CADM2: variants seen among roughly 807,000 people sequenced by gnomAD.
CADM2 encodes the protein immunoglobulin superfamily member 4D.
A neutral mutation model predicts 49.8 loss-of-function variants in CADM2; 12 were observed. The observed-to-expected ratio is 0.24, with a 90% CI of 0.15 to 0.39. The LOEUF (loss-of-function observed/expected upper bound fraction) is 0.39, where lower values mean the gene tolerates loss of function less well. CADM2 is among the 10% of genes least tolerant of loss of function. The probability of loss-of-function intolerance (pLI) is 1.00; values close to 1 mark genes in which losing one functional copy is unlikely to be tolerated. For synonymous variants in CADM2, 214 were observed against 175.4 expected (o/e 1.22, Z -1.74); for missense variants, 378 against 492.3 (o/e 0.77, Z 2.20).
intron 1 of CADM2, among the ~76,000 whole-genome samples, chr3:85,144,481 A>T (rs1040019456): frequency 2.0e-4 from 30 of 151,940 alleles, no homozygotes; most frequent in African/African-American, 7.0e-4. Context: ...TCTTGGTGGC[A>T]TATGCCTGTA....
intron 1 of CADM2, among the ~76,000 whole-genome samples, chr3:84,991,096 G>A (rs1271765299): frequency 6.6e-6 from 1 of 152,042 alleles, no homozygotes; most frequent in Non-Finnish European, 1.5e-5. Context: ...CCAGGTTTGT[G>A]TACTTTATTT....
At chr3:85,833,545 C>T (rs1281951964) in intron 3 of CADM2, among the ~76,000 whole-genome samples, 1 of 151,452 alleles carries the variant, frequency 6.6e-6, no homozygotes, top group Non-Finnish European at 1.5e-5. Context: ...TTTATTTCTT[C>T]CTGACTCAGT....
At chr3:85,033,186 A>G (rs1390764762) in intron 1 of CADM2, among the ~76,000 whole-genome samples, 1 of 152,208 alleles carries the variant, frequency 6.6e-6, no homozygotes, top group Non-Finnish European at 1.5e-5. Flanking sequence ...CAAAAATATG[A>G]AATTAACTAG....
intron 2 of CADM2, among the ~76,000 whole-genome samples, chr3:85,763,208 C>A (rs1434144366): frequency 1.3e-5 from 2 of 152,232 alleles, no homozygotes; most frequent in East Asian, 3.9e-4. Flanking sequence ...GAAGCAGGAG[C>A]CTCTGTTCTA....
At chr3:85,616,904 G>C (rs905515775) in intron 1 of CADM2, among the ~76,000 whole-genome samples, 3 of 152,042 alleles carry the variant, frequency 2.0e-5, no homozygotes, top group African/African-American at 7.2e-5. Flanking sequence ...AACAAACTTG[G>C]CTAAGAAACA....
intron 1 of CADM2, among the ~76,000 whole-genome samples, chr3:84,985,480 T>C (rs1408166960): frequency 3.1e-4 from 47 of 152,142 alleles, no homozygotes; most frequent in Admixed American, 3.1e-3. Context: ...TGAGGTAATA[T>C]ACAAAATTTT....
At chr3:85,465,665 G>A (rs1163475210) in intron 1 of CADM2, among the ~76,000 whole-genome samples, 1 of 152,036 alleles carries the variant, frequency 6.6e-6, no homozygotes, top group African/African-American at 2.4e-5. Context: ...GAAGATTATA[G>A]GCGTGTTACA....
intron 3 of CADM2, among the ~76,000 whole-genome samples, chr3:85,859,861 CTT>C (rs978136855): frequency 2.6e-5 from 4 of 152,220 alleles, no homozygotes; most frequent in South Asian, 4.1e-4. Flanking sequence ...TTTTGACAAA[CTT>C]ATAAATTAAT....
At chr3:85,270,709 T>C (rs766000124) in intron 1 of CADM2, among the ~76,000 whole-genome samples, 1 of 151,160 alleles carries the variant, frequency 6.6e-6, no homozygotes, top group Non-Finnish European at 1.5e-5. Flanking sequence ...TGGTTCCCAT[T>C]GTTTGTCCAA....
intron 1 of CADM2, among the ~76,000 whole-genome samples, chr3:85,510,699 C>T (rs957183662): frequency 3.3e-5 from 5 of 152,028 alleles, no homozygotes; most frequent in Non-Finnish European, 7.4e-5. Context: ...ACTCAGTTAA[C>T]TCACTTAACT....
intron 1 of CADM2, among the ~76,000 whole-genome samples, chr3:85,300,790 C>G (rs1423156141): frequency 6.6e-6 from 1 of 152,066 alleles, no homozygotes; most frequent in Non-Finnish European, 1.5e-5. Context: ...AGGCTGCTGC[C>G]AGAAATGTCG....
chr3:85,920,757 C>T (rs1457904549), intron 6 of CADM2, among the ~76,000 whole-genome samples: 3 of 151,190 alleles, frequency 2.0e-5, no homozygotes, highest in African/African-American at 7.3e-5. Flanking sequence ...TGTTATTGTG[C>T]CATCTTTATA....
intron 1 of CADM2, among the ~76,000 whole-genome samples, chr3:85,458,543 C>T (rs987564246): frequency 2.6e-5 from 4 of 152,124 alleles, no homozygotes; most frequent in Non-Finnish European, 4.4e-5. Context: ...TGCATCTTGC[C>T]GTTCTTTTCC....
At chr3:85,049,387 G>A (rs181464770) in intron 1 of CADM2, among the ~76,000 whole-genome samples, 1 of 151,324 alleles carries the variant, frequency 6.6e-6, no homozygotes, top group African/African-American at 2.4e-5. Flanking sequence ...GTCTCACACA[G>A]TCATCCAGGC....
At chr3:85,709,274 T>G (rs1432737302) in intron 1 of CADM2, among the ~76,000 whole-genome samples, 1 of 152,184 alleles carries the variant, frequency 6.6e-6, no homozygotes, top group Non-Finnish European at 1.5e-5. Flanking sequence ...AGTTTAAAAT[T>G]TAAACAAAAA....
intron 2 of CADM2, among the ~76,000 whole-genome samples, chr3:85,778,233 C>A (rs757965187): frequency 6.6e-6 from 1 of 152,112 alleles, no homozygotes; most frequent in Non-Finnish European, 1.5e-5. Context: ...CATTGTGTTT[C>A]CTGTTTCTCA....
At position 85,070,349 on chromosome 3, in the gene CADM2, A is replaced by C. The variant is rs537361554; in HGVS notation, c.61+110681A>C. On this transcript the variant is annotated intron_variant, in intron 1 of 9. Transcript: ENST00000383699. ...TTTTTATTTATTTAGCACAAATTCC[A>C]AAATGTGAAGCATAGCTATACTTCA... is the stretch of plus-strand genomic sequence containing the variant. Among the ~76,000 whole-genome samples the C allele has an allele frequency of 3.9e-5, 6 of 152,312 alleles. No homozygotes were observed. In the South Asian group the frequency reaches 1.2e-3, roughly 32 times the overall value.
At chr3:86,023,849 C>A (rs1229275471) in intron 8 of CADM2, among the ~76,000 whole-genome samples, 2 of 152,154 alleles carry the variant, frequency 1.3e-5, no homozygotes, top group Non-Finnish European at 2.9e-5. Context: ...TTCACTTCAT[C>A]ACTCTGACAT....
chr3:85,674,281 A>C (rs765319054), intron 1 of CADM2, among the ~76,000 whole-genome samples: 8 of 152,156 alleles, frequency 5.3e-5, no homozygotes, highest in Non-Finnish European at 1.0e-4. Flanking sequence ...TAGCACACCC[A>C]AGTTAGTATT....
Sources: gnomAD v4.1 joint callset for allele counts (sites outside exome capture counted in the v4.1 genomes callset) on GRCh38, gnomAD v4.1.1 for gene constraint, MANE v1.5 for transcripts, NCBI Gene and HGNC (gene_info 2026-07-23, HGNC 2026-07-21) for gene names.